TNC: variants seen among roughly 807,000 people sequenced by gnomAD.
TNC encodes the protein tenascin.
TNC carries 109 observed loss-of-function variants against 202.4 expected under a neutral mutation model. That is an observed-to-expected ratio of 0.54 (90% CI 0.46 to 0.63). The LOEUF (loss-of-function observed/expected upper bound fraction) is 0.63. Among genes scored for constraint, TNC ranks in the 30% least tolerant of loss-of-function variants. The pLI is 0.00. For synonymous variants in TNC, 1,007 were observed against 1,089.7 expected, an observed-to-expected ratio of 0.92 and a Z score of 1.50; for missense variants, 2,756 against 2,833.3, an observed-to-expected ratio of 0.97 and a Z score of 0.62.
chr9:115,026,521 G>A lies in TNC; in HGVS notation c.6331+13C>T. On this transcript the variant is annotated intron_variant, in intron 26 of 27. Coordinates refer to ENST00000350763, the MANE Select transcript of TNC (RefSeq NM_002160.4). ...CATGGCTTTGTAGGCTCTACGTGCA[G>A]CCACTACTGTACCTGCTGTCCCACT... 2 of 1,613,558 alleles carry A rather than the reference G, an allele frequency of 1.2e-6. No homozygotes were observed. The highest frequency in any genetic ancestry group is 2.2e-5 in the South Asian group (2 of 91,056).
chr9:115,091,661 T>C (rs890106207), intron 1 of TNC, among the ~76,000 whole-genome samples: 1 of 152,238 alleles, frequency 6.6e-6, no homozygotes, highest in Non-Finnish European at 1.5e-5. Flanking sequence ...TTGCCTCTTA[T>C]TGATTTTCAA....
intron 10 of TNC, among the ~76,000 whole-genome samples, chr9:115,068,430 G>A (rs1833113425): frequency 6.6e-6 from 1 of 152,176 alleles, no homozygotes; most frequent in Non-Finnish European, 1.5e-5. Flanking sequence ...CTGGCTTGAT[G>A]AGGAACTCAC....
At chr9:115,066,154 T>A (rs531798667) in intron 10 of TNC, among the ~76,000 whole-genome samples, 1 of 152,300 alleles carries the variant, frequency 6.6e-6, no homozygotes, top group Admixed American at 6.5e-5. Flanking sequence ...GCAGATCTTA[T>A]GAAGCTCAAG....
chr9:115,088,572 G>A (rs1834971915), intron 2 of TNC, among the ~76,000 whole-genome samples: 1 of 152,064 alleles, frequency 6.6e-6, no homozygotes, highest in Non-Finnish European at 1.5e-5. Context: ...TGGAGCTTAA[G>A]GAGAAGAAAC....
intron 11 of TNC, among the ~76,000 whole-genome samples, chr9:115,064,443 A>G (rs558690846): frequency 3.3e-5 from 5 of 152,036 alleles, no homozygotes; most frequent in South Asian, 2.1e-4. Flanking sequence ...GCTCTGTACA[A>G]CTCCCAAGGG....
rs189493565 is a variant in TNC, at chr9:115,086,506, G to A, written c.1225C>T (p.Pro409Ser). Residue 409 changes from proline to serine, a missense_variant, in exon 3 of 28, where the codon CCC (proline) becomes TCC (serine). Pro to Ser is a moderately conservative substitution (Grantham distance 74, BLOSUM62 -1). This residue lies in a region of TNC where 2,559 missense variants were observed against 2,546.0 expected (regional missense o/e 1.01). Transcript: ENST00000350763. Reference protein sequence around the residue: ...TGADCGELKCPNGCSGHGRCV... With the variant: ...TGADCGELKCSNGCSGHGRCV... ...CGGCCATGGCCACTGCAGCCATTGG[G>A]ACACTTGAGCTCCCCACAGTCAGCT... 7 of 1,613,770 alleles carry A rather than the reference G, an allele frequency of 4.3e-6. No homozygotes were observed. The highest frequency in any genetic ancestry group is 5.9e-6 in the Non-Finnish European group (7 of 1,180,026).
chr9:115,100,842 CTTAAATGTATAAAAT>C (rs1219609864), intron 1 of TNC, among the ~76,000 whole-genome samples: 1 of 151,912 alleles, frequency 6.6e-6, no homozygotes, highest in Non-Finnish European at 1.5e-5. Context: ...CGTTGTATAC[CTTAAATGTATAAAAT>C]TTTAATTTTA....
intron 1 of TNC, among the ~76,000 whole-genome samples, chr9:115,095,506 A>ATATATG (rs1835615211): frequency 1.2e-4 from 1 of 8,222 alleles, no homozygotes; most frequent in African/African-American, 2.8e-4. Flanking sequence ...ATATATGTAT[A>ATATATG]TATATATGTA....
At chr9:115,039,639 AT>A in intron 19 of TNC, among the ~76,000 whole-genome samples, 1 of 152,200 alleles carries the variant, frequency 6.6e-6, no homozygotes, top group East Asian at 1.9e-4. Context: ...TCCTCAGCTC[AT>A]TTCACAGAGA....
intron 26 of TNC, 23 bp from the exon 27 acceptor site, chr9:115,024,159 A>G (rs533660651): frequency 6.2e-7 from 1 of 1,605,468 alleles, no homozygotes; most frequent in Admixed American, 1.7e-5. Context: ...GAAAATATGG[A>G]CCTGAGAAAT....
Position 115,087,072 on chromosome 9 carries a change from G to A in TNC, c.659C>T (p.Ala220Val), listed in dbSNP as rs915795345. The A allele has an allele frequency of 1.1e-5, 17 of 1,613,152 alleles. No homozygotes were observed. Among genetic ancestry groups the A allele is most frequent in the Non-Finnish European group, 1.4e-5 (17 of 1,179,420 alleles). The change falls in exon 3 of 28, where the codon GCT becomes GTT. Residue 220 changes from alanine (A) to valine (V), a missense_variant. This residue lies in a region of TNC where 2,559 missense variants were observed against 2,546.0 expected (regional missense o/e 1.01). Transcript: ENST00000350763. Reference sequence around the variant, plus strand: ...CTGGTCATTGCAGTCGCTGGGGCAAGCCAGCTGGCTGCAGTCCTCGCCCGT... The same window carrying A: ...CTGGTCATTGCAGTCGCTGGGGCAAACCAGCTGGCTGCAGTCCTCGCCCGT... ...GFTGEDCSQL[A>V]CPSDCNDQGK... is the part of the protein sequence containing the mutation.
chr9:115,021,079 C>T lies in TNC; in HGVS notation c.*78G>A. On this transcript the variant is annotated 3_prime_UTR_variant, in exon 28 of 28. Coordinates refer to ENST00000350763, the MANE Select transcript of TNC (RefSeq NM_002160.4). The stretch of plus-strand genomic sequence containing the variant: ...GCCCAGGTGTGGACCGATGGTTGGG[C>T]TGGTTGTATTGATGCTTTGGTAAAA... 2 of 1,227,860 alleles carry T rather than the reference C, an allele frequency of 1.6e-6. No individual in the cohort carries two copies. The highest frequency in any genetic ancestry group is 2.4e-6 in the Non-Finnish European group (2 of 845,632). 76.1% of individuals were successfully genotyped at this position (1,227,860 alleles called of 1,614,324 possible).
chr9:115,082,403 C>G (rs989860600), intron 5 of TNC, among the ~76,000 whole-genome samples: 2 of 152,186 alleles, frequency 1.3e-5, no homozygotes, highest in African/African-American at 2.4e-5. Flanking sequence ...TGTTTCTTCT[C>G]TTCTTTGCCT....
intron 12 of TNC, 34 bp downstream of exon 12, chr9:115,063,762 G>C: frequency 6.3e-7 from 1 of 1,590,138 alleles, no homozygotes; most frequent in Non-Finnish European, 8.6e-7. Flanking sequence ...GAGACAAAGG[G>C]GAGGAAGTGA....
At chr9:115,039,383 T>A (rs1020153809) in intron 19 of TNC, among the ~76,000 whole-genome samples, 5 of 152,232 alleles carry the variant, frequency 3.3e-5, no homozygotes, top group African/African-American at 9.6e-5. Context: ...TCTCAATACT[T>A]GCAGTTGTTA....
chr9:115,104,903 G>A (rs778175431), intron 1 of TNC, among the ~76,000 whole-genome samples: 12 of 152,282 alleles, frequency 7.9e-5, no homozygotes, highest in Middle Eastern at 3.4e-3. Flanking sequence ...TCGGGAAAAG[G>A]TGCTGTGATG....
rs1829015144 is a variant in TNC, at chr9:115,020,874, G to A, written c.*283C>T. On this transcript the variant is annotated 3_prime_UTR_variant, in exon 28 of 28. Coordinates refer to ENST00000350763, the MANE Select transcript of TNC (RefSeq NM_002160.4). ...CTCTCCCATTCCCAGAGCCACCTAAGAGAAGTAAAAAACTATTGCGATGTT... is the reference window on the plus strand; with the variant it reads ...CTCTCCCATTCCCAGAGCCACCTAAAAGAAGTAAAAAACTATTGCGATGTT... 2.6e-6 allele frequency: 1 copy of A among 392,056 alleles called. No homozygotes were observed. The highest frequency in any genetic ancestry group is 4.6e-6 in the Non-Finnish European group (1 of 216,854). 24.3% of individuals were successfully genotyped at this position (392,056 alleles called of 1,614,324 possible). A position where few individuals can be genotyped will look rare whatever the true frequency, so the allele number is the denominator to read the frequency against.
chr9:115,091,135 C>T lies in TNC; in HGVS notation c.-117G>A. 1.3e-6 allele frequency: 1 copy of T among 779,140 alleles called. No homozygotes were observed. Among genetic ancestry groups the T allele is most frequent in the Non-Finnish European group, 2.0e-6 (1 of 497,618 alleles). The allele number at this position is 779,140 out of a possible 1,614,324, so 48.3% of individuals were successfully genotyped here. A position where few individuals can be genotyped will look rare whatever the true frequency, so the allele number is the denominator to read the frequency against. ...AGACTTCAAATCAGTTGTCCCTGAT[C>T]TTCTTGAAAGAATTATTTTCTACAA... On this transcript the variant is annotated 5_prime_UTR_variant, in exon 2 of 28. Transcript: ENST00000350763.
chr9:115,099,113 A>G (rs1836020865), intron 1 of TNC, among the ~76,000 whole-genome samples: 1 of 152,142 alleles, frequency 6.6e-6, no homozygotes, highest in Non-Finnish European at 1.5e-5. Context: ...TAGGCAGCAC[A>G]GTGGCTTAGC....
Sources: gnomAD v4.1 joint callset for allele counts (sites outside exome capture counted in the v4.1 genomes callset) on GRCh38, gnomAD v4.1.1 for gene constraint, gnomAD v4.1.1 regional missense constraint, MANE v1.5 for transcripts, NCBI Gene and HGNC (gene_info 2026-07-23, HGNC 2026-07-21) for gene names.